Variants in SYNPR observed in about 807,000 individuals in gnomAD.
SYNPR encodes synaptoporin.
Under a neutral mutation model 32.9 loss-of-function variants are expected in SYNPR, and 23 were observed. That is an observed-to-expected ratio of 0.70 (90% CI 0.50 to 0.99). SYNPR has a LOEUF of 0.99. Ranked by LOEUF, SYNPR falls within the 50% of genes least tolerant of loss-of-function variation. The pLI is 0.00. For synonymous variants in SYNPR, 146 were observed against 135.9 expected (o/e 1.07, Z -0.52); for missense variants, 318 against 349.3 (o/e 0.91, Z 0.71).
At chr3:63,232,165 GTC>G (rs1459509024) in intron 1 of SYNPR, among the ~76,000 whole-genome samples, 2 of 138,318 alleles carry the variant, frequency 1.4e-5, no homozygotes, top group Non-Finnish European at 3.1e-5. Context: ...CTCAAGGGCT[GTC>G]TCAAGTGAGT....
chr3:63,270,902 TTTCC>T (rs201745436), intron 3 of SYNPR, among the ~76,000 whole-genome samples: 2,530 of 61,090 alleles, frequency 0.041, 111 homozygotes, highest in African/African-American at 0.05. Flanking sequence ...CTTCCTTTTC[TTTCC>T]TTCCTTCCTT....
chr3:63,375,985 C>CACCA (rs1436358315), intron 2 of SYNPR, among the ~76,000 whole-genome samples: 2 of 152,132 alleles, frequency 1.3e-5, no homozygotes, highest in Non-Finnish European at 2.9e-5. Context: ...TAAGTAGCAC[C>CACCA]ACCAACCACT....
intron 2 of SYNPR, among the ~76,000 whole-genome samples, chr3:63,374,116 A>G (rs1462234444): frequency 3.9e-5 from 6 of 152,192 alleles, no homozygotes; most frequent in Admixed American, 2.0e-4. Flanking sequence ...ACCAGCCACT[A>G]CAATTTTCAA....
intron 2 of SYNPR, among the ~76,000 whole-genome samples, chr3:63,390,819 T>G (rs1161843417): frequency 6.6e-6 from 1 of 152,208 alleles, no homozygotes; most frequent in African/African-American, 2.4e-5. Flanking sequence ...TCCTCCTTCC[T>G]GGAAGTTGTC....
intron 1 of SYNPR, among the ~76,000 whole-genome samples, chr3:63,251,782 A>G (rs1046169678): frequency 1.2e-4 from 18 of 151,930 alleles, no homozygotes; most frequent in African/African-American, 4.4e-4. Context: ...ACAACAACCA[A>G]GGAGAAGATG....
intron 1 of SYNPR, among the ~76,000 whole-genome samples, chr3:63,248,870 T>A (rs1383426358): frequency 1.3e-5 from 2 of 152,176 alleles, no homozygotes; most frequent in Admixed American, 1.3e-4. Context: ...GAGAATTAGC[T>A]CTGCATTTGC....
chr3:63,593,130 A>G (rs975033112), intron 4 of SYNPR, among the ~76,000 whole-genome samples: 2 of 152,124 alleles, frequency 1.3e-5, no homozygotes, highest in Admixed American at 6.6e-5. Flanking sequence ...ATGAATGTAG[A>G]GGGCTTAGCA....
chr3:63,455,787 G>GTGTGTGTGTGT (rs1559504354), intron 2 of SYNPR, among the ~76,000 whole-genome samples: 14 of 151,316 alleles, frequency 9.3e-5, no homozygotes, highest in African/African-American at 1.5e-4. Context: ...GTGTGTGTGT[G>GTGTGTGTGTGT]GATCTTCAGA....
Position 63,591,374 on chromosome 3 carries a change from C to T in SYNPR, c.409-17751C>T, listed in dbSNP as rs1699822797. The stretch of plus-strand genomic sequence containing the variant: ...ATGTTGGTGGGACTGTAAACTAGTT[C>T]AACCATTGTGGAAGTCAGTGTGGCG... On this transcript the variant is annotated intron_variant, in intron 4 of 5. Coordinates refer to ENST00000478300, the MANE Select transcript of SYNPR (RefSeq NM_001130003.2). 1.5e-5 allele frequency among the ~76,000 whole-genome samples: 2 copies of T among 129,132 alleles called. 1 individual carries two copies. The highest frequency in any genetic ancestry group is 6.1e-5 in the African/African-American group (2 of 32,702). 84.7% of individuals were successfully genotyped at this position (129,132 alleles called of 152,430 possible). A position where few individuals can be genotyped will look rare whatever the true frequency, so the allele number is the denominator to read the frequency against.
intron 2 of SYNPR, among the ~76,000 whole-genome samples, chr3:63,433,934 A>C (rs1700035599): frequency 6.6e-6 from 1 of 152,120 alleles, no homozygotes; most frequent in East Asian, 1.9e-4. Flanking sequence ...GACCAACTCC[A>C]TTCCTTTGCT....
At chr3:63,538,498 T>C (rs1702246933) in intron 3 of SYNPR, among the ~76,000 whole-genome samples, 1 of 152,078 alleles carries the variant, frequency 6.6e-6, no homozygotes, top group African/African-American at 2.4e-5. Context: ...ACCTTTGCCG[T>C]GATCTCATAA....
chr3:63,473,174 A>AGAAG (rs1700836476), intron 2 of SYNPR, among the ~76,000 whole-genome samples: 1 of 152,112 alleles, frequency 6.6e-6, no homozygotes, highest in Non-Finnish European at 1.5e-5. Flanking sequence ...TCTTACCTGG[A>AGAAG]TAACTCAGGC....
At chr3:63,342,621 G>A (rs149095016) in intron 2 of SYNPR, among the ~76,000 whole-genome samples, 3 of 152,252 alleles carry the variant, frequency 2.0e-5, no homozygotes, top group East Asian at 1.9e-4. Context: ...GGGTAACGCT[G>A]GCCTCATAAA....
chr3:63,325,204 G>A (rs2087153190), intron 2 of SYNPR, among the ~76,000 whole-genome samples: 1 of 152,058 alleles, frequency 6.6e-6, no homozygotes, highest in African/African-American at 2.4e-5. Flanking sequence ...ATTCTTAGGT[G>A]ACAAGAGACA....
intron 2 of SYNPR, among the ~76,000 whole-genome samples, chr3:63,372,082 T>G (rs1560208423): frequency 6.6e-6 from 1 of 152,048 alleles, no homozygotes; most frequent in South Asian, 2.1e-4. Context: ...AGAGGCTCTA[T>G]GTTTCCCTGG....
chr3:63,333,892 A>T (rs1435276537), intron 2 of SYNPR, among the ~76,000 whole-genome samples: 1 of 152,234 alleles, frequency 6.6e-6, no homozygotes, highest in Non-Finnish European at 1.5e-5. Flanking sequence ...ATGCAAAGGA[A>T]AATATATTAA....
At chr3:63,204,626 A>G in the SYNPR span, among the ~76,000 whole-genome samples, 1 of 152,090 alleles carries the variant, frequency 6.6e-6, no homozygotes, top group South Asian at 2.1e-4. Flanking sequence ...TTCTTGAATT[A>G]CCTAGATTCT....
Position 63,443,416 on chromosome 3 carries a change from A to C in SYNPR, c.85-37416A>C, listed in dbSNP as rs532473396. 1.2e-5 allele frequency: 20 copies of C among 1,602,158 alleles called. No individual in the cohort carries two copies. The South Asian group carries it at 2.1e-4, about 17-fold the overall frequency. Reference sequence around the variant, plus strand: ...GACAACCTCTATTTTCTTTCAGGAGAGGGAAGTTGGATTATCAATTCTTTT... The same window carrying C: ...GACAACCTCTATTTTCTTTCAGGAGCGGGAAGTTGGATTATCAATTCTTTT... On this transcript the variant is annotated intron_variant, in intron 2 of 5. Transcript: ENST00000478300.
At chr3:63,312,497 G>A (rs1468792091) in intron 2 of SYNPR, among the ~76,000 whole-genome samples, 1 of 151,662 alleles carries the variant, frequency 6.6e-6, no homozygotes, top group Admixed American at 6.6e-5. Context: ...TTAAACTTCA[G>A]CTACATCCAT....
Sources: gnomAD v4.1 joint callset for allele counts (sites outside exome capture counted in the v4.1 genomes callset) on GRCh38, gnomAD v4.1.1 for gene constraint, MANE v1.5 for transcripts, NCBI Gene and HGNC (gene_info 2026-07-23, HGNC 2026-07-21) for gene names.